WHAMM: variants seen among roughly 807,000 people sequenced by gnomAD.
WHAMM encodes WASP homolog-associated protein with actin, membranes and microtubules.
Under a neutral mutation model 76.5 loss-of-function variants are expected in WHAMM, and 67 were observed. The ratio of observed to expected loss-of-function variants is 0.88; its 90% CI spans 0.72 to 1.07. The LOEUF is 1.07. WHAMM is among the 50% of genes least tolerant of loss of function. The pLI is 0.00. For synonymous variants in WHAMM, 419 were observed against 422.1 expected (o/e 0.99, Z 0.09); for missense variants, 1,021 against 1,051.1 (o/e 0.97, Z 0.40).
At position 82,830,898 on chromosome 15, in the gene WHAMM, A is replaced by ACCACCGCCG. The variant is rs755564038; in HGVS notation, c.1953_1961dup (p.Pro656_Pro658dup). The ACCACCGCCG allele has an allele frequency of 2.8e-5, 40 of 1,444,076 alleles. No homozygotes were observed. Among genetic ancestry groups the ACCACCGCCG allele is most frequent in the Admixed American group, 9.7e-5 (5 of 51,590 alleles). 89.5% of individuals were successfully genotyped at this position (1,444,076 alleles called of 1,614,324 possible). A position where few individuals can be genotyped will look rare whatever the true frequency, so the allele number is the denominator to read the frequency against. On this transcript the variant is annotated inframe_insertion, in exon 9 of 10. Transcript: ENST00000286760. Reference sequence around the variant, plus strand: ...CACCACCTCCTCCTCCTCCACCACCACCACCGCCGCCACCGCCGCCCCCAC... The same window carrying ACCACCGCCG: ...CACCACCTCCTCCTCCTCCACCACCACCACCGCCGCCACCGCCGCCACCGCCGCCCCCAC...
intron 7 of WHAMM, 43 bp from the exon 8 acceptor site, chr15:82,826,707 TG>T: frequency 2.0e-6 from 3 of 1,530,504 alleles, no homozygotes; most frequent in Non-Finnish European, 8.8e-7. Context: ...AGACATTTTT[TG>T]TAATGTTGAG....
At chr15:82,817,208 G>A (rs2050741089) in intron 3 of WHAMM, among the ~76,000 whole-genome samples, 1 of 152,158 alleles carries the variant, frequency 6.6e-6, no homozygotes, top group South Asian at 2.1e-4. Context: ...AAAGTGAGGA[G>A]TATTCCGGGC....
At chr15:82,816,050 C>A (rs537872017) in intron 2 of WHAMM, among the ~76,000 whole-genome samples, 1 of 152,068 alleles carries the variant, frequency 6.6e-6, no homozygotes, top group Non-Finnish European at 1.5e-5. Context: ...GCTGTGTCTT[C>A]GCATGGTGAA....
At chr15:82,826,284 C>T in intron 6 of WHAMM, 126 bp from the exon 7 acceptor site, 1 of 953,604 alleles carries the variant, frequency 1.0e-6, no homozygotes, top group Non-Finnish European at 1.6e-6. Context: ...CATTGGGCCG[C>T]TCCAGAACTA....
chr15:82,826,260 G>A (rs1443234359), intron 6 of WHAMM, 150 bp from the exon 7 acceptor site: 14 of 685,974 alleles, frequency 2.0e-5, no homozygotes, highest in Admixed American at 7.8e-5. Context: ...CATAGACTGC[G>A]GAGGAGACAG....
At chr15:82,818,734 A>G (rs1312856787) in intron 4 of WHAMM, among the ~76,000 whole-genome samples, 3 of 152,236 alleles carry the variant, frequency 2.0e-5, no homozygotes, top group Non-Finnish European at 4.4e-5. Context: ...AAGATTAAAT[A>G]TCACAGATTG....
At position 82,833,520 on chromosome 15, in the gene WHAMM, G is replaced by C. The variant is rs752244443; in HGVS notation, c.2414G>C (p.Gly805Ala). The C allele has an allele frequency of 4.3e-6, 7 of 1,613,486 alleles. No homozygotes were observed. The South Asian group carries it at 7.7e-5, about 18-fold the overall frequency. Residue 805 changes from glycine (G) to alanine (A), a missense_variant, in exon 10 of 10, where the codon GGC becomes GCC. Around this residue, in one of 3 missense-constraint regions of WHAMM, gnomAD observed 509 missense variants for 492.3 expected, o/e 1.03. Transcript: ENST00000286760. Reference sequence around the variant, plus strand: ...GAGGACAGTGATGAGCAGGACCCTGGCCAGTGGGATGGTTAGGCTCAAGTT... The same window carrying C: ...GAGGACAGTGATGAGCAGGACCCTGCCCAGTGGGATGGTTAGGCTCAAGTT... ...SEEDSDEQDP[G>A]QWDG
At chr15:82,811,993 C>T (rs907060360) in intron 1 of WHAMM, among the ~76,000 whole-genome samples, 2 of 152,126 alleles carry the variant, frequency 1.3e-5, no homozygotes, top group African/African-American at 4.8e-5. Context: ...GATTTTATTT[C>T]TCTTCTTCTG....
At position 82,826,494 on chromosome 15, in the gene WHAMM, A is replaced by T; in HGVS notation, c.1543A>T (p.Met515Leu). ...RYSRQHHSIQ[M>L]KRDKIKEEEQ... Reference sequence around the variant, plus strand: ...CTCTCGTCAGCATCACAGTATTCAGATGGTGAGTCTCCTCCGAAGGAAAAT... The same window carrying T: ...CTCTCGTCAGCATCACAGTATTCAGTTGGTGAGTCTCCTCCGAAGGAAAAT... Residue 515 changes from methionine to leucine, a missense_variant and splice_region_variant, in exon 7 of 10, where the codon ATG becomes TTG. Coordinates refer to ENST00000286760, the MANE Select transcript of WHAMM (RefSeq NM_001080435.3). 6.2e-7 allele frequency: 1 copy of T among 1,613,432 alleles called. No homozygotes were observed. Among genetic ancestry groups the T allele is most frequent in the East Asian group, 2.2e-5 (1 of 44,886 alleles).
chr15:82,823,295 C>T lies in WHAMM; in HGVS notation c.1458+8C>T, dbSNP rs371171713. On this transcript the variant is annotated splice_region_variant and intron_variant, in intron 6 of 9. Coordinates refer to ENST00000286760, the MANE Select transcript of WHAMM (RefSeq NM_001080435.3). ...TCTCTCCGGAGTAGAAAGGTAGGTA[C>T]GCTCAGAGCGGCTTTCTTTTCTTTT... 21 of 1,438,808 alleles carry T rather than the reference C, an allele frequency of 1.5e-5. No individual in the cohort carries two copies. The highest frequency in any genetic ancestry group is 5.0e-5 in the South Asian group (3 of 60,176). 89.1% of individuals were successfully genotyped at this position (1,438,808 alleles called of 1,614,324 possible).
intron 1 of WHAMM, 113 bp downstream of exon 1, chr15:82,810,448 G>T (rs2050608851): frequency 1.6e-6 from 2 of 1,221,428 alleles, no homozygotes; most frequent in Non-Finnish European, 2.0e-6. Context: ...AGGAGCCGGC[G>T]GGCGGAGAAG....
chr15:82,829,028 G>A (rs2050983967), intron 8 of WHAMM, among the ~76,000 whole-genome samples: 1 of 152,230 alleles, frequency 6.6e-6, no homozygotes, highest in Admixed American at 6.5e-5. Context: ...ACATTTGGAA[G>A]GGAGGAAGTA....
chr15:82,828,680 T>G (rs2050978678), intron 8 of WHAMM, among the ~76,000 whole-genome samples: 1 of 152,140 alleles, frequency 6.6e-6, no homozygotes, highest in South Asian at 2.1e-4. Context: ...GTAGGCAGAT[T>G]TAAAATGACA....
At chr15:82,810,772 T>C in intron 1 of WHAMM, 4 of 984,956 alleles carry the variant, frequency 4.1e-6, no homozygotes, top group Non-Finnish European at 4.8e-6. Context: ...GAGGAAGAAA[T>C]GGCTTTTAGG....
At chr15:82,814,766 CTTTTTTT>C (rs773443880) in intron 2 of WHAMM, among the ~76,000 whole-genome samples, 103 of 94,774 alleles carry the variant, frequency 1.1e-3, no homozygotes, top group African/African-American at 4.0e-3. Context: ...TTTTTCCTTT[CTTTTTTT>C]TTTTTTTTTT....
intron 7 of WHAMM, 59 bp downstream of exon 7, chr15:82,826,555 AC>A: frequency 2.5e-6 from 4 of 1,593,118 alleles, no homozygotes; most frequent in Non-Finnish European, 3.4e-6. Flanking sequence ...GCAGGCCTAG[AC>A]TTGTGGAAAC....
chr15:82,833,284 G>A lies in WHAMM; in HGVS notation c.2178G>A (p.Lys726=). 6.2e-7 allele frequency: 1 copy of A among 1,614,014 alleles called. No homozygotes were observed. Among genetic ancestry groups the A allele is most frequent in the Non-Finnish European group, 8.5e-7 (1 of 1,179,886 alleles). Residue 726 remains lysine (K), a synonymous_variant, in exon 10 of 10, where the codon AAG becomes AAA. Transcript: ENST00000286760. Reference sequence around the variant, plus strand: ...GGCATGGCAGAGCTCCTCTCCGGAAGGTGGAAGTGCCGGCGGTGCGCCCTC... The same window carrying A: ...GGCATGGCAGAGCTCCTCTCCGGAAAGTGGAAGTGCCGGCGGTGCGCCCTC... ...SLRHGRAPLR[K]VEVPAVRPPH...
rs2050602527 is a variant in WHAMM, at chr15:82,810,173, G to GT, written c.447_448insT (p.Glu150Ter). 2 of 1,403,780 alleles carry GT rather than the reference G, an allele frequency of 1.4e-6. No homozygotes were observed. Among genetic ancestry groups the GT allele is most frequent in the Non-Finnish European group, 1.9e-6 (2 of 1,074,656 alleles). The allele number at this position is 1,403,780 out of a possible 1,614,324, so 87.0% of individuals were successfully genotyped here. A position where few individuals can be genotyped will look rare whatever the true frequency, so the allele number is the denominator to read the frequency against. ...CGCTGCAGGAGCTGTGCGGGCAGCT[G>GT]GAACGCTATCTGGGCGCGGCGGCCG... On this transcript the variant is annotated frameshift_variant, in exon 1 of 10. Transcript: ENST00000286760. LOFTEE classifies it high-confidence loss of function.
Position 82,813,281 on chromosome 15 carries a change from G to GT in WHAMM, c.783+12dup, listed in dbSNP as rs750842021. ...TTATGTAAGCTTGATATTTTGGTAT[G>GT]TTTTTTTAAAATTTTTACTTTATCA... is the stretch of plus-strand genomic sequence containing the variant. On this transcript the variant is annotated splice_donor_region_variant and intron_variant, in intron 2 of 9. Coordinates refer to ENST00000286760, the MANE Select transcript of WHAMM (RefSeq NM_001080435.3). The GT allele has an allele frequency of 2.0e-6, 3 of 1,514,570 alleles. No individual in the cohort carries two copies. The highest frequency in any genetic ancestry group is 4.9e-5 in the Admixed American group (2 of 40,996). 93.8% of individuals were successfully genotyped at this position (1,514,570 alleles called of 1,614,324 possible).
Sources: gnomAD v4.1 joint callset for allele counts (sites outside exome capture counted in the v4.1 genomes callset) on GRCh38, gnomAD v4.1.1 for gene constraint, gnomAD v4.1.1 regional missense constraint, MANE v1.5 for transcripts, NCBI Gene and HGNC (gene_info 2026-07-23, HGNC 2026-07-21) for gene names.